MTPAP: variants seen among roughly 807,000 people sequenced by gnomAD.
MTPAP encodes poly(A) RNA polymerase, mitochondrial.
A neutral mutation model predicts 48.7 loss-of-function variants in MTPAP; 23 were observed. That is an observed-to-expected ratio of 0.47 (90% confidence interval 0.34 to 0.67). MTPAP has a LOEUF of 0.67. Ranked by LOEUF, MTPAP falls within the 30% of genes least tolerant of loss-of-function variation. The probability of loss-of-function intolerance (pLI) is 0.01; values close to 1 mark genes in which losing one functional copy is unlikely to be tolerated. For synonymous variants in MTPAP, 257 were observed against 254.1 expected (o/e 1.01, Z -0.11); for missense variants, 614 against 694.3 (o/e 0.88, Z 1.30).
intron 5 of MTPAP, among the ~76,000 whole-genome samples, 157 bp from the exon 6 acceptor site, chr10:30,322,774 T>C (rs1840739939): frequency 6.6e-6 from 1 of 152,110 alleles, no homozygotes; most frequent in Non-Finnish European, 1.5e-5. Flanking sequence ...ATTTGCAATA[T>C]AAAATTTAAT....
chr10:30,330,648 T>C (rs973322835), intron 4 of MTPAP, among the ~76,000 whole-genome samples: 4 of 152,352 alleles, frequency 2.6e-5, no homozygotes, highest in East Asian at 1.9e-4. Context: ...GTGGTAGTTA[T>C]TGAAGCTGCT....
chr10:30,316,388 A>C (rs566563733), intron 6 of MTPAP, among the ~76,000 whole-genome samples, 178 bp from the exon 7 acceptor site: 1 of 151,784 alleles, frequency 6.6e-6, no homozygotes, highest in Admixed American at 6.6e-5. Context: ...GATTATAGGC[A>C]CATGCCCCCA....
At chr10:30,315,270 G>A (rs1451467133) in intron 8 of MTPAP, among the ~76,000 whole-genome samples, 1 of 152,164 alleles carries the variant, frequency 6.6e-6, no homozygotes, top group Non-Finnish European at 1.5e-5. Context: ...ACGGAGAGGT[G>A]AAGAAATAAG....
chr10:30,319,809 C>T lies in MTPAP; in HGVS notation c.1219+2582G>A, dbSNP rs140281795. Among the ~76,000 whole-genome samples, 593 of 152,282 alleles carry T rather than the reference C, an allele frequency of 3.9e-3. 3 individuals are homozygous for T. The highest frequency in any genetic ancestry group is 0.013 in the African/African-American group (543 of 41,556). ...TGTGCTATATGCCGAGAAGCAATTG[C>T]AAAAACTAGCCTGAAAAATTCTCTT... On this transcript the variant is annotated intron_variant, in intron 6 of 8. Transcript: ENST00000263063.
chr10:30,321,197 C>T (rs535195896), intron 6 of MTPAP, among the ~76,000 whole-genome samples: 1 of 152,318 alleles, frequency 6.6e-6, no homozygotes, highest in Non-Finnish European at 1.5e-5. Flanking sequence ...CACTCTACCC[C>T]ACTGAAAACT....
chr10:30,343,051 T>C (rs1014039399), intron 1 of MTPAP, among the ~76,000 whole-genome samples: 5 of 152,200 alleles, frequency 3.3e-5, no homozygotes, highest in Non-Finnish European at 5.9e-5. Context: ...AACTAATTTT[T>C]TTCCCCCAAG....
intron 4 of MTPAP, among the ~76,000 whole-genome samples, chr10:30,336,007 C>T (rs1477111323): frequency 6.6e-6 from 1 of 151,180 alleles, no homozygotes; most frequent in Non-Finnish European, 1.5e-5. Flanking sequence ...GAGACTCAGC[C>T]TCAAAAAAAA....
At chr10:30,338,430 T>C (rs796433450) in intron 3 of MTPAP, among the ~76,000 whole-genome samples, 4 of 151,764 alleles carry the variant, frequency 2.6e-5, no homozygotes, top group African/African-American at 9.7e-5. Context: ...TCCCAGCACT[T>C]TGGGAGGCCA....
chr10:30,328,089 A>C (rs1834620794), intron 4 of MTPAP, among the ~76,000 whole-genome samples: 1 of 152,208 alleles, frequency 6.6e-6, no homozygotes, highest in African/African-American at 2.4e-5. Flanking sequence ...AACACACATC[A>C]TACAAACGGG....
chr10:30,316,052 A>G lies in MTPAP; in HGVS notation c.1313-16T>C, dbSNP rs763490846. On this transcript the variant is annotated splice_polypyrimidine_tract_variant and intron_variant, in intron 7 of 8. Coordinates refer to ENST00000263063, the MANE Select transcript of MTPAP (RefSeq NM_018109.4). Reference sequence around the variant, plus strand: ...AGTAGTAATTCTGTAAGAAAATAAAACAAGGACAATCAGAGGAAAGCCTGT... The same window carrying G: ...AGTAGTAATTCTGTAAGAAAATAAAGCAAGGACAATCAGAGGAAAGCCTGT... 19 of 1,611,832 alleles carry G rather than the reference A, an allele frequency of 1.2e-5. 1 individual carries two copies. The East Asian group carries it at 4.2e-4, about 36-fold the overall frequency.
intron 6 of MTPAP, among the ~76,000 whole-genome samples, chr10:30,320,543 A>C (rs1327130527): frequency 6.6e-6 from 1 of 152,066 alleles, no homozygotes; most frequent in Non-Finnish European, 1.5e-5. Context: ...ATAATAAATA[A>C]AATTTTTAAA....
At position 30,322,556 on chromosome 10, in the gene MTPAP, C is replaced by A. The variant is rs771634268; in HGVS notation, c.1054G>T (p.Ala352Ser). The change falls in exon 6 of 9, where the codon GCC becomes TCC. Residue 352 changes from alanine (A) to serine (S), a missense_variant. Physicochemically the swap from Ala to Ser is moderately conservative, Grantham distance 99 (BLOSUM62 1). This residue lies in a region of MTPAP where 261 missense variants were observed against 355.4 expected (regional missense o/e 0.73). Coordinates refer to ENST00000263063, the MANE Select transcript of MTPAP (RefSeq NM_018109.4). The stretch of plus-strand genomic sequence containing the variant: ...CAGCACCGTACACTGAACACCAAGG[C>A]TCTCACTCTTGAGTCTAGGGCACCA... ...IYGALDSRVR[A>S]LVFSVRCWAR... is the part of the protein sequence containing the mutation. The A allele has an allele frequency of 1.2e-6, 2 of 1,614,064 alleles. No homozygotes were observed. The highest frequency in any genetic ancestry group is 1.7e-5 in the Admixed American group (1 of 60,026).
chr10:30,318,541 A>G (rs1840686827), intron 6 of MTPAP, among the ~76,000 whole-genome samples: 1 of 152,220 alleles, frequency 6.6e-6, no homozygotes, highest in South Asian at 2.1e-4. Context: ...ATCTTCAATT[A>G]AAGCACTAAG....
intron 1 of MTPAP, among the ~76,000 whole-genome samples, chr10:30,343,582 T>A (rs77957047): frequency 6.6e-6 from 1 of 151,868 alleles, no homozygotes; most frequent in East Asian, 1.9e-4. Flanking sequence ...TTTTTTTTTT[T>A]AAAGAGACAA....
intron 1 of MTPAP, among the ~76,000 whole-genome samples, chr10:30,342,844 T>TGATAATTTTACTAAGGAAAGAAAGAG (rs1360604363): frequency 2.6e-5 from 4 of 152,294 alleles, no homozygotes; most frequent in African/African-American, 7.2e-5. Flanking sequence ...AAGAGCTCCC[T>TGATAATTTTACTAAGGAAAGAAAGAG]GATAATTTTA....
At chr10:30,337,865 C>T (rs754312315) in intron 3 of MTPAP, among the ~76,000 whole-genome samples, 2 of 152,116 alleles carry the variant, frequency 1.3e-5, no homozygotes, top group Non-Finnish European at 2.9e-5. Context: ...CCTGTCTATC[C>T]ACTAGAAGAC....
chr10:30,336,757 T>C (rs778086790), intron 4 of MTPAP, 46 bp downstream of exon 4: 9 of 1,440,384 alleles, frequency 6.2e-6, no homozygotes, highest in Admixed American at 3.4e-5. Flanking sequence ...CTTTTTATAC[T>C]TTCTTAACTT....
At chr10:30,338,095 C>CAA (rs879328058) in intron 3 of MTPAP, among the ~76,000 whole-genome samples, 1 of 139,572 alleles carries the variant, frequency 7.2e-6, no homozygotes, top group Admixed American at 7.2e-5. Context: ...CTGACTCTAC[C>CAA]AAAAAAAAAA....
intron 4 of MTPAP, among the ~76,000 whole-genome samples, chr10:30,328,468 G>A (rs1279140147): frequency 6.6e-6 from 1 of 152,198 alleles, no homozygotes; most frequent in Non-Finnish European, 1.5e-5. Flanking sequence ...GCATAAATGA[G>A]CCAATTTATA....
Sources: gnomAD v4.1 joint callset for allele counts (sites outside exome capture counted in the v4.1 genomes callset) on GRCh38, gnomAD v4.1.1 for gene constraint, gnomAD v4.1.1 regional missense constraint, MANE v1.5 for transcripts, NCBI Gene and HGNC (gene_info 2026-07-23, HGNC 2026-07-21) for gene names.